MRPL50: variants seen among roughly 807,000 people sequenced by gnomAD.
The protein encoded by MRPL50 is mitochondrial ribosomal protein L50.
MRPL50 carries 10 observed loss-of-function variants against 16.2 expected under a neutral mutation model. The observed-to-expected ratio is 0.62, with a 90% confidence interval of 0.38 to 1.05. The LOEUF is 1.05. MRPL50 is among the 50% of genes least tolerant of loss of function. The probability of loss-of-function intolerance (pLI) is 0.01; values close to 1 mark genes in which losing one functional copy is unlikely to be tolerated. For missense variants in MRPL50, 213 were observed against 187.1 expected, an observed-to-expected ratio of 1.14 and a Z score of -0.81; for synonymous variants, 68 against 66.8, an observed-to-expected ratio of 1.02 and a Z score of -0.09.
Position 101,387,839 on chromosome 9 carries a change from A to G in MRPL50, c.*2627T>C, listed in dbSNP as rs1830221344. ...AATTTTTAAAAATGTAAACCCTTTA[A>G]AATTACATCATATGTCTGATTATCT... On this transcript the variant is annotated 3_prime_UTR_variant, in exon 2 of 2. Coordinates refer to ENST00000374865, the MANE Select transcript of MRPL50 (RefSeq NM_019051.3). 6.6e-6 allele frequency: 1 copy of G among 152,100 alleles called. No homozygotes were observed. The highest frequency in any genetic ancestry group is 1.5e-5 in the Non-Finnish European group (1 of 67,998). The allele number at this position is 152,100 out of a possible 1,614,324, so 9.4% of individuals were successfully genotyped here.
intron 1 of MRPL50, among the ~76,000 whole-genome samples, chr9:101,394,013 G>GA (rs1830308602): frequency 1.4e-5 from 1 of 69,168 alleles, no homozygotes; most frequent in East Asian, 4.4e-4. Flanking sequence ...AAAAAAAAAA[G>GA]ACCACACCTA....
At position 101,398,423 on chromosome 9, in the gene MRPL50, A is replaced by G. The variant is rs559758287; in HGVS notation, c.92+78T>C. Reference sequence around the variant, plus strand: ...ATCAGGCGCGGGACCACGATGGCGTAACACTCTATTTTGAATTCGTCCCTA... The same window carrying G: ...ATCAGGCGCGGGACCACGATGGCGTGACACTCTATTTTGAATTCGTCCCTA... On this transcript the variant is annotated intron_variant, in intron 1 of 1. Transcript: ENST00000374865. 2.9e-6 allele frequency: 4 copies of G among 1,371,628 alleles called. No homozygotes were observed. The East Asian group carries it at 6.9e-5, about 24-fold the overall frequency. 85.0% of individuals were successfully genotyped at this position (1,371,628 alleles called of 1,614,324 possible). A position where few individuals can be genotyped will look rare whatever the true frequency, so the allele number is the denominator to read the frequency against.
At chr9:101,395,641 CTT>C (rs1157266181) in intron 1 of MRPL50, among the ~76,000 whole-genome samples, 1 of 151,416 alleles carries the variant, frequency 6.6e-6, no homozygotes, top group African/African-American at 2.4e-5. Flanking sequence ...GGAGGACACT[CTT>C]TAGTGAAATA....
Position 101,390,312 on chromosome 9 carries a change from A to G in MRPL50, c.*154T>C. The G allele has an allele frequency of 1.5e-6, 2 of 1,339,664 alleles. No individual in the cohort carries two copies. Among genetic ancestry groups the G allele is most frequent in the Non-Finnish European group, 9.6e-7 (1 of 1,043,762 alleles). The allele number at this position is 1,339,664 out of a possible 1,614,324, so 83.0% of individuals were successfully genotyped here. ...CCGTTATTTGTCCATTTGTAATATG[A>G]GAAAAAAAAAGATGATACATTCCTC... is the stretch of plus-strand genomic sequence containing the variant. On this transcript the variant is annotated 3_prime_UTR_variant, in exon 2 of 2. Transcript: ENST00000374865.
At position 101,390,424 on chromosome 9, in the gene MRPL50, A is replaced by G; in HGVS notation, c.*42T>C. 1.3e-6 allele frequency: 2 copies of G among 1,567,876 alleles called. No homozygotes were observed. The highest frequency in any genetic ancestry group is 1.7e-6 in the Non-Finnish European group (2 of 1,157,900). ...GATCTAATGAGCAGCCCCCTTGCTC[A>G]GGGAAAGACAGTGATTTCAATGTGT... On this transcript the variant is annotated 3_prime_UTR_variant, in exon 2 of 2. Transcript: ENST00000374865.
chr9:101,389,610 C>A lies in MRPL50; in HGVS notation c.*856G>T. The A allele has an allele frequency of 2.0e-6, 1 of 512,720 alleles. No homozygotes were observed. The highest frequency in any genetic ancestry group is 2.9e-6 in the Non-Finnish European group (1 of 347,254). The allele number at this position is 512,720 out of a possible 1,614,324, so 31.8% of individuals were successfully genotyped here. ...CTGTCTCATTACTCTCCAGCCATATCTAAAGCTTGAAAAAAAAATCCCAAA... is the reference window on the plus strand; with the variant it reads ...CTGTCTCATTACTCTCCAGCCATATATAAAGCTTGAAAAAAAAATCCCAAA... On this transcript the variant is annotated 3_prime_UTR_variant, in exon 2 of 2. Transcript: ENST00000374865.
At chr9:101,391,727 C>T (rs1394881891) in intron 1 of MRPL50, among the ~76,000 whole-genome samples, 2 of 151,996 alleles carry the variant, frequency 1.3e-5, no homozygotes, top group Non-Finnish European at 2.9e-5. Context: ...GACTACAATA[C>T]ATTAATGGTT....
Position 101,389,288 on chromosome 9 carries a change from G to A in MRPL50, c.*1178C>T, listed in dbSNP as rs1397416573. On this transcript the variant is annotated 3_prime_UTR_variant, in exon 2 of 2. Coordinates refer to ENST00000374865, the MANE Select transcript of MRPL50 (RefSeq NM_019051.3). The stretch of plus-strand genomic sequence containing the variant: ...TCTGTGGACTTTGGTATCCAAGTAG[G>A]TGTCCTGGAACCAATCCCCAAGGAA... 2 of 285,298 alleles carry A rather than the reference G, an allele frequency of 7.0e-6. No homozygotes were observed. The highest frequency in any genetic ancestry group is 1.3e-5 in the Non-Finnish European group (2 of 151,134). The allele number at this position is 285,298 out of a possible 1,614,324, so 17.7% of individuals were successfully genotyped here.
chr9:101,389,355 C>T lies in MRPL50; in HGVS notation c.*1111G>A, dbSNP rs191885358. On this transcript the variant is annotated 3_prime_UTR_variant, in exon 2 of 2. Coordinates refer to ENST00000374865, the MANE Select transcript of MRPL50 (RefSeq NM_019051.3). ...AGCTCCAGAGCTCCAGGCACTCTGA[C>T]ACCTGAAGTTCTTGAATGAAGTGCC... is the stretch of plus-strand genomic sequence containing the variant. 2.5e-6 allele frequency: 2 copies of T among 805,744 alleles called. No individual in the cohort carries two copies. Among genetic ancestry groups the T allele is most frequent in the East Asian group, 7.4e-5 (1 of 13,548 alleles). 49.9% of individuals were successfully genotyped at this position (805,744 alleles called of 1,614,324 possible).
At chr9:101,398,216 C>T (rs1378820991) in intron 1 of MRPL50, among the ~76,000 whole-genome samples, 1 of 152,182 alleles carries the variant, frequency 6.6e-6, no homozygotes, top group African/African-American at 2.4e-5. Flanking sequence ...CGGTGTCTCG[C>T]ACACGAGGTT....
At chr9:101,393,382 C>T (rs1830298557) in intron 1 of MRPL50, among the ~76,000 whole-genome samples, 1 of 151,878 alleles carries the variant, frequency 6.6e-6, no homozygotes, top group African/African-American at 2.4e-5. Flanking sequence ...AGCAATTAGA[C>T]AAGAGAAAGA....
chr9:101,390,165 G>A lies in MRPL50; in HGVS notation c.*301C>T. ...TGCAACTACTTTATGCTTATGAAAG[G>A]TGTGAACTTGCAATGTCCTCCTGTC... On this transcript the variant is annotated 3_prime_UTR_variant, in exon 2 of 2. Transcript: ENST00000374865. 1 of 1,098,072 alleles carries A rather than the reference G, an allele frequency of 9.1e-7. No individual in the cohort carries two copies. Among genetic ancestry groups the A allele is most frequent in the Non-Finnish European group, 1.1e-6 (1 of 901,546 alleles). 68.0% of individuals were successfully genotyped at this position (1,098,072 alleles called of 1,614,324 possible).
chr9:101,389,672 T>C lies in MRPL50; in HGVS notation c.*794A>G, dbSNP rs116658005. 2.2e-3 allele frequency: 683 copies of C among 304,720 alleles called. 6 individuals carry two copies. The highest frequency in any genetic ancestry group is 0.011 in the Middle Eastern group (9 of 854). The allele number at this position is 304,720 out of a possible 1,614,324, so 18.9% of individuals were successfully genotyped here. A position where few individuals can be genotyped will look rare whatever the true frequency, so the allele number is the denominator to read the frequency against. ...TGTCATTCAGAACCATCTGATAACC[T>C]GCTATTTAAGTAATTTCCACAAATT... On this transcript the variant is annotated 3_prime_UTR_variant, in exon 2 of 2. Transcript: ENST00000374865.
In MRPL50 at chr9:101,388,787, G is replaced by C. The variant is rs553775980; in HGVS notation, c.*1679C>G. On this transcript the variant is annotated 3_prime_UTR_variant, in exon 2 of 2. Transcript: ENST00000374865. ...AACCAATTGTGGATCAAAAATGTTCGAGGGGAAAAAAAGATGACTGCATCT... is the reference window on the plus strand; with the variant it reads ...AACCAATTGTGGATCAAAAATGTTCCAGGGGAAAAAAAGATGACTGCATCT... 1.3e-5 allele frequency: 2 copies of C among 152,032 alleles called. No individual in the cohort carries two copies. The highest frequency in any genetic ancestry group is 1.9e-4 in the East Asian group (1 of 5,156). 9.4% of individuals were successfully genotyped at this position (152,032 alleles called of 1,614,324 possible).
intron 1 of MRPL50, among the ~76,000 whole-genome samples, chr9:101,396,955 A>G (rs1830352829): frequency 6.6e-6 from 1 of 152,108 alleles, no homozygotes; most frequent in African/African-American, 2.4e-5. Flanking sequence ...ACAAACAAAA[A>G]AAAAGTCAAA....
intron 1 of MRPL50, among the ~76,000 whole-genome samples, chr9:101,394,904 A>C (rs1830320970): frequency 6.6e-6 from 1 of 152,210 alleles, no homozygotes; most frequent in Non-Finnish European, 1.5e-5. Flanking sequence ...TCAAAAGCAC[A>C]GGCAACAAGA....
At chr9:101,397,158 A>G (rs1157560937) in intron 1 of MRPL50, among the ~76,000 whole-genome samples, 1 of 152,106 alleles carries the variant, frequency 6.6e-6, no homozygotes, top group East Asian at 1.9e-4. Context: ...TGTTTTCACC[A>G]CACACACAAA....
chr9:101,388,738 T>G lies in MRPL50; in HGVS notation c.*1728A>C, dbSNP rs1404660617. The G allele has an allele frequency of 3.9e-5, 6 of 152,138 alleles. No homozygotes were observed. The highest frequency in any genetic ancestry group is 1.4e-4 in the African/African-American group (6 of 41,452). 9.4% of individuals were successfully genotyped at this position (152,138 alleles called of 1,614,324 possible). ...CCTTGTTGGTTAAATTTACCAAGAC[T>G]GTGTGTTCCCCATCTGTGGATTCAA... On this transcript the variant is annotated 3_prime_UTR_variant, in exon 2 of 2. Coordinates refer to ENST00000374865, the MANE Select transcript of MRPL50 (RefSeq NM_019051.3).
At chr9:101,394,295 T>C (rs1016392876) in intron 1 of MRPL50, among the ~76,000 whole-genome samples, 1 of 152,166 alleles carries the variant, frequency 6.6e-6, no homozygotes. Flanking sequence ...GGGATAACAC[T>C]GCTATTGTAA....
Sources: gnomAD v4.1 joint callset for allele counts (sites outside exome capture counted in the v4.1 genomes callset) on GRCh38, gnomAD v4.1.1 for gene constraint, MANE v1.5 for transcripts, NCBI Gene and HGNC (gene_info 2026-07-23, HGNC 2026-07-21) for gene names.